The following KIAA0825 variants were observed in gnomAD, a reference collection of about 807,000 sequenced individuals.
KIAA0825 encodes uncharacterized protein KIAA0825.
KIAA0825 carries 119 observed loss-of-function variants against 147.6 expected under a neutral mutation model. The ratio of observed to expected loss-of-function variants is 0.81; its 90% CI spans 0.69 to 0.94. The LOEUF (loss-of-function observed/expected upper bound fraction) is 0.94, where lower values mean the gene tolerates loss of function less well. KIAA0825 is among the 40% of genes least tolerant of loss of function. The pLI is 0.00. For missense variants in KIAA0825, 1,381 were observed against 1,472.7 expected (o/e 0.94, Z 1.02); for synonymous variants, 470 against 518.1 (o/e 0.91, Z 1.26).
intron 2 of KIAA0825, among the ~76,000 whole-genome samples, chr5:94,551,252 G>A (rs1775480527): frequency 6.6e-6 from 1 of 151,908 alleles, no homozygotes; most frequent in Admixed American, 6.6e-5. Flanking sequence ...CATTATGGGA[G>A]TTCCAGAAGG....
chr5:94,391,456 G>A, intron 18 of KIAA0825, 79 bp downstream of exon 18: 3 of 1,411,266 alleles, frequency 2.1e-6, no homozygotes, highest in Non-Finnish European at 2.0e-6. Flanking sequence ...TCACCTCCTT[G>A]ACTAACCCTT....
At chr5:94,491,418 G>A (rs1051377260) in intron 5 of KIAA0825, among the ~76,000 whole-genome samples, 8 of 152,154 alleles carry the variant, frequency 5.3e-5, no homozygotes, top group South Asian at 4.1e-4. Context: ...TTCCTGAGAG[G>A]AAGTGGGACT....
At chr5:94,488,110 G>T (rs923425859) in intron 5 of KIAA0825, among the ~76,000 whole-genome samples, 1 of 152,222 alleles carries the variant, frequency 6.6e-6, no homozygotes, top group African/African-American at 2.4e-5. Context: ...TTTTAGTAGA[G>T]ACGGTATTTC....
chr5:94,498,196 A>T (rs1331407117), intron 5 of KIAA0825, among the ~76,000 whole-genome samples: 1 of 152,222 alleles, frequency 6.6e-6, no homozygotes, highest in Non-Finnish European at 1.5e-5. Context: ...ATCTGTTCTT[A>T]GGCTAGGTAT....
intron 1 of KIAA0825, chr5:94,594,229 A>G (rs1470676318): frequency 3.3e-6 from 2 of 599,590 alleles, no homozygotes; most frequent in Non-Finnish European, 6.6e-6. Flanking sequence ...GCAAGAGTCC[A>G]GTTTTGTCTT....
In KIAA0825 at chr5:94,489,713, C is replaced by T. The variant is rs1562551347; in HGVS notation, c.971-4783G>A. Among the ~76,000 whole-genome samples, 11 of 151,874 alleles carry T rather than the reference C, an allele frequency of 7.2e-5. No homozygotes were observed. The South Asian group carries it at 2.3e-3, about 32-fold the overall frequency. On this transcript the variant is annotated intron_variant, in intron 5 of 20. Coordinates refer to ENST00000682413, the MANE Select transcript of KIAA0825 (RefSeq NM_001145678.3). ...TCAGCCTGGCCAACATGGCGAAACC[C>T]TGTCTCTACTAATAATACAAAAATT...
chr5:94,340,666 G>A (rs906074466), intron 20 of KIAA0825, among the ~76,000 whole-genome samples: 1 of 152,048 alleles, frequency 6.6e-6, no homozygotes, highest in Non-Finnish European at 1.5e-5. Context: ...CTGACATTAT[G>A]TGAAAAAGCT....
intron 16 of KIAA0825, among the ~76,000 whole-genome samples, chr5:94,400,529 C>T (rs1266749961): frequency 6.6e-6 from 1 of 152,098 alleles, no homozygotes; most frequent in African/African-American, 2.4e-5. Context: ...TCTGTTTCCT[C>T]TCTCTAGAAT....
Position 94,253,349 on chromosome 5 carries a change from C to T in KIAA0825, c.3711-99225G>A, listed in dbSNP as rs940768982. On this transcript the variant is annotated intron_variant, in intron 20 of 20. Transcript: ENST00000682413. ...GACTCAAGGCATAAATTTTTCATCA[C>T]CTGCAATGCTATGAATAAAAGATTA... is the stretch of plus-strand genomic sequence containing the variant. Among the ~76,000 whole-genome samples, 5 of 152,166 alleles carry T rather than the reference C, an allele frequency of 3.3e-5. No individual in the cohort carries two copies. The South Asian group carries it at 1.0e-3, about 32-fold the overall frequency.
At chr5:94,556,344 G>GGCATGA (rs1387081979) in intron 2 of KIAA0825, among the ~76,000 whole-genome samples, 6 of 152,102 alleles carry the variant, frequency 3.9e-5, no homozygotes, top group Non-Finnish European at 7.4e-5. Context: ...TGGGATTACA[G>GGCATGA]GCATGAGCAT....
chr5:94,276,898 C>T (rs1423228312), intron 20 of KIAA0825, among the ~76,000 whole-genome samples: 1 of 152,036 alleles, frequency 6.6e-6, no homozygotes, highest in Non-Finnish European at 1.5e-5. Context: ...AATTCTTTTC[C>T]TAAGCACACT....
intron 20 of KIAA0825, among the ~76,000 whole-genome samples, chr5:94,375,516 T>C (rs1747429452): frequency 6.6e-6 from 1 of 152,218 alleles, no homozygotes; most frequent in African/African-American, 2.4e-5. Context: ...TTAAAGGCTC[T>C]GATGATTCCC....
chr5:94,584,670 A>C (rs1363361914), intron 1 of KIAA0825, among the ~76,000 whole-genome samples: 1 of 152,194 alleles, frequency 6.6e-6, no homozygotes, highest in Non-Finnish European at 1.5e-5. Context: ...CCAACATTCA[A>C]ATTCAAGAAA....
intron 20 of KIAA0825, among the ~76,000 whole-genome samples, chr5:94,161,913 A>G (rs1282168584): frequency 6.6e-6 from 1 of 152,212 alleles, no homozygotes; most frequent in Non-Finnish European, 1.5e-5. Flanking sequence ...TTTAATAAAC[A>G]TGGCAGAGTG....
At chr5:94,357,913 TA>T (rs797020446) in intron 20 of KIAA0825, among the ~76,000 whole-genome samples, 1,918 of 137,646 alleles carry the variant, frequency 0.014, 19 homozygotes, top group African/African-American at 0.015. Flanking sequence ...AGAGTAACAT[TA>T]AAAAAAAAAA....
At chr5:94,278,184 A>G (rs1777302747) in intron 20 of KIAA0825, among the ~76,000 whole-genome samples, 1 of 152,098 alleles carries the variant, frequency 6.6e-6, no homozygotes, top group African/African-American at 2.4e-5. Flanking sequence ...AAGCTAGATG[A>G]TGGGTTGATA....
At chr5:94,578,693 G>C (rs72771700) in intron 2 of KIAA0825, among the ~76,000 whole-genome samples, 17,732 of 152,150 alleles carry the variant, frequency 0.12, 1,421 homozygotes, top group East Asian at 0.32. Flanking sequence ...TATTTTAAAA[G>C]ATACTTAATT....
At chr5:94,365,118 C>T (rs1019252123) in intron 20 of KIAA0825, among the ~76,000 whole-genome samples, 12 of 152,120 alleles carry the variant, frequency 7.9e-5, no homozygotes, top group African/African-American at 2.9e-4. Flanking sequence ...CTATGTAAAT[C>T]GGGCCCTCAA....
At chr5:94,321,372 G>A (rs190232999) in intron 20 of KIAA0825, among the ~76,000 whole-genome samples, 1 of 151,942 alleles carries the variant, frequency 6.6e-6, no homozygotes, top group Admixed American at 6.6e-5. Context: ...TATCTATAAA[G>A]TGATTACTTT....
Sources: gnomAD v4.1 joint callset for allele counts (sites outside exome capture counted in the v4.1 genomes callset) on GRCh38, gnomAD v4.1.1 for gene constraint, MANE v1.5 for transcripts, NCBI Gene and HGNC (gene_info 2026-07-23, HGNC 2026-07-21) for gene names.